The following SIRPB2 variants were observed in gnomAD, a reference collection of about 807,000 sequenced individuals.
SIRPB2 encodes the protein signal-regulatory protein beta-2.
Under a neutral mutation model 27.1 loss-of-function variants are expected in SIRPB2, and 18 were observed. The observed-to-expected ratio is 0.66, with a 90% CI of 0.46 to 0.98. The LOEUF is 0.98. Among genes scored for constraint, SIRPB2 ranks in the 50% least tolerant of loss-of-function variants. The probability of loss-of-function intolerance (pLI) is 0.00; values close to 1 mark genes in which losing one functional copy is unlikely to be tolerated. For synonymous variants in SIRPB2, 150 were observed against 164.6 expected (o/e 0.91, Z 0.68); for missense variants, 420 against 417.4 (o/e 1.01, Z -0.06).
At chr20:1,477,314 C>T in intron 4 of SIRPB2, 24 bp downstream of exon 4, 1 of 1,614,260 alleles carries the variant, frequency 6.2e-7, no homozygotes, top group Non-Finnish European at 8.5e-7. Context: ...GACTCATTGA[C>T]TCCACTGAGG....
Position 1,491,334 on chromosome 20 carries a change from G to C in SIRPB2, c.26C>G (p.Thr9Ser). The C allele has an allele frequency of 6.2e-7, 1 of 1,610,858 alleles. No homozygotes were observed. The highest frequency in any genetic ancestry group is 1.1e-5 in the South Asian group (1 of 90,348). Residue 9 changes from threonine to serine, a missense_variant, in exon 1 of 5, where the codon ACC becomes AGC. Physicochemically the swap from Thr to Ser is moderately conservative, Grantham distance 58. Transcript: ENST00000359801. MCSTMSAPTCLAHLPPCFL... is the reference protein window; with the variant it reads MCSTMSAPSCLAHLPPCFL... ...GCAGGGAGGCAAGTGGGCCAGGCAG[G>C]TGGGGGCCGACATCGTGGAGCACAT...
At chr20:1,478,738 T>C (rs1210029135) in intron 2 of SIRPB2, 131 bp from the exon 3 acceptor site, 8 of 719,142 alleles carry the variant, frequency 1.1e-5, no homozygotes, top group South Asian at 2.1e-5. Flanking sequence ...CTGCTTTCTT[T>C]ATTACTCACC....
At chr20:1,479,493 A>T in intron 2 of SIRPB2, 1 of 731,968 alleles carries the variant, frequency 1.4e-6, no homozygotes. Flanking sequence ...TGCCCCACAT[A>T]GTTGCTACCT....
chr20:1,478,060 G>A (rs1477395523), intron 3 of SIRPB2: 1 of 690,180 alleles, frequency 1.4e-6, no homozygotes, highest in Non-Finnish European at 2.6e-6. Flanking sequence ...AGGAGGAGAA[G>A]GTTTTACAGA....
chr20:1,488,231 T>C (rs963114886), intron 1 of SIRPB2, among the ~76,000 whole-genome samples: 5 of 152,142 alleles, frequency 3.3e-5, no homozygotes, highest in Non-Finnish European at 7.3e-5. Flanking sequence ...TAACGAACTC[T>C]CAAAACTCAA....
chr20:1,479,002 T>A, intron 2 of SIRPB2: 1 of 186,638 alleles, frequency 5.4e-6, no homozygotes, highest in Non-Finnish European at 1.1e-5. Context: ...AACTCCCACG[T>A]ACAGATACTC....
At chr20:1,482,602 C>T (rs1424067816) in intron 1 of SIRPB2, among the ~76,000 whole-genome samples, 2 of 127,150 alleles carry the variant, frequency 1.6e-5, no homozygotes, top group Non-Finnish European at 3.3e-5. Context: ...TCCCTTCCTT[C>T]TTTCCTTCTT....
intron 1 of SIRPB2, among the ~76,000 whole-genome samples, chr20:1,486,910 C>A (rs1197106595): frequency 3.9e-5 from 6 of 152,082 alleles, no homozygotes; most frequent in Non-Finnish European, 2.9e-5. Flanking sequence ...GTTTTCCCTG[C>A]AGATCAGGAA....
At chr20:1,477,067 A>C (rs969590722) in intron 4 of SIRPB2, 8 of 1,423,558 alleles carry the variant, frequency 5.6e-6, no homozygotes, top group Non-Finnish European at 7.4e-6. Context: ...GTGTCCCTAC[A>C]CTCAGAATCA....
chr20:1,479,488 C>T (rs1021263481), intron 2 of SIRPB2: 10 of 704,780 alleles, frequency 1.4e-5, no homozygotes, highest in Non-Finnish European at 2.1e-5. Context: ...AAACATGCCC[C>T]ACATAGTTGC....
At chr20:1,471,842 C>T (rs912938366), downstream of SIRPB2, among the ~76,000 whole-genome samples, 7 of 152,112 alleles carry the variant, frequency 4.6e-5, no homozygotes, top group South Asian at 4.1e-4. Context: ...GGAGGGTCCT[C>T]GAGCCCGAGG....
intron 1 of SIRPB2, among the ~76,000 whole-genome samples, chr20:1,489,341 G>A (rs2090755903): frequency 6.6e-6 from 1 of 152,142 alleles, no homozygotes; most frequent in Non-Finnish European, 1.5e-5. Flanking sequence ...ACATATGTAC[G>A]GTTTAATATA....
chr20:1,489,892 A>G (rs866969477), intron 1 of SIRPB2, among the ~76,000 whole-genome samples: 2 of 152,140 alleles, frequency 1.3e-5, no homozygotes, highest in Non-Finnish European at 2.9e-5. Context: ...TTCAAAAACT[A>G]TTGAGCAACA....
At chr20:1,480,115 C>G (rs770403241) in intron 1 of SIRPB2, 50 bp from the exon 2 acceptor site, 1 of 1,535,186 alleles carries the variant, frequency 6.5e-7, no homozygotes, top group Admixed American at 2.1e-5. Context: ...GACTTGGAGC[C>G]CTAAATGACA....
In SIRPB2 at chr20:1,478,250, A is replaced by G. The variant is rs1238278851; in HGVS notation, c.793+16T>C. 3.1e-6 allele frequency: 5 copies of G among 1,607,160 alleles called. No homozygotes were observed. The highest frequency in any genetic ancestry group is 2.2e-5 in the East Asian group (1 of 44,716). On this transcript the variant is annotated intron_variant, in intron 3 of 4. Transcript: ENST00000359801. Reference sequence around the variant, plus strand: ...CTGCTCCGCTCTCCCGACAAGTCCAAAACCAATTGTCTCACCTTTCACTTT... The same window carrying G: ...CTGCTCCGCTCTCCCGACAAGTCCAGAACCAATTGTCTCACCTTTCACTTT...
Position 1,479,929 on chromosome 20 carries a change from C to A in SIRPB2, c.222G>T (p.Val74=). ...GSCTDGMIKW[V]KVSTQDQQEI... is the part of the protein sequence containing the mutation. ...CCTGTTGGTCCTGAGTGCTCACCTT[C>A]ACCCATTTTATCATACCATCAGTGC... The change falls in exon 2 of 5, where the codon GTG becomes GTT. Residue 74 remains valine, a synonymous_variant. Transcript: ENST00000359801. The A allele has an allele frequency of 6.2e-7, 1 of 1,614,200 alleles. No individual in the cohort carries two copies. Among genetic ancestry groups the A allele is most frequent in the Non-Finnish European group, 8.5e-7 (1 of 1,180,040 alleles).
At chr20:1,490,731 G>T (rs147920327) in intron 1 of SIRPB2, among the ~76,000 whole-genome samples, 1 of 152,312 alleles carries the variant, frequency 6.6e-6, no homozygotes, top group East Asian at 1.9e-4. Context: ...AGCCTACTGC[G>T]TCTTAAGCTG....
intron 4 of SIRPB2, chr20:1,476,826 A>G (rs2090610223): frequency 9.4e-7 from 1 of 1,067,116 alleles, no homozygotes; most frequent in Non-Finnish European, 1.1e-6. Flanking sequence ...GAATGTTAAC[A>G]TGAGATGTGC....
chr20:1,484,704 A>C (rs528295080), intron 1 of SIRPB2, among the ~76,000 whole-genome samples: 5 of 146,438 alleles, frequency 3.4e-5, no homozygotes, highest in Non-Finnish European at 7.4e-5. Context: ...AAAAAAAAAA[A>C]CAAAATAAAT....
Sources: allele counts gnomAD v4.1 joint callset (sites outside exome capture counted in the v4.1 genomes callset), GRCh38; gene constraint gnomAD v4.1.1; transcripts MANE v1.5; gene names NCBI Gene and HGNC (gene_info 2026-07-23, HGNC 2026-07-21).